Variants in STXBP3 observed in about 807,000 individuals in gnomAD.
STXBP3 encodes syntaxin-binding protein 3.
STXBP3 carries 41 observed loss-of-function variants against 85.7 expected under a neutral mutation model. The ratio of observed to expected loss-of-function variants is 0.48; its 90% confidence interval spans 0.37 to 0.62. STXBP3 has a LOEUF of 0.62. Ranked by LOEUF, STXBP3 falls within the 20% of genes least tolerant of loss-of-function variation. The pLI is 0.00. For missense variants in STXBP3, 563 were observed against 703.1 expected, an observed-to-expected ratio of 0.80 and a Z score of 2.25; for synonymous variants, 229 against 231.7, an observed-to-expected ratio of 0.99 and a Z score of 0.10.
chr1:108,755,341 G>C (rs1661997142), intron 3 of STXBP3, among the ~76,000 whole-genome samples: 1 of 152,106 alleles, frequency 6.6e-6, no homozygotes, highest in African/African-American at 2.4e-5. Context: ...CAGCTACTTG[G>C]AGAACTGAGG....
rs745652259 is a variant in STXBP3, at chr1:108,793,157, A to AT, written c.964-399dup. ...CTCACAGCCCCAAGCTCTTATCTCC[A>AT]TTTTTTTTTTTTTTTTTTTTTTTTT... is the stretch of plus-strand genomic sequence containing the variant. On this transcript the variant is annotated intron_variant, in intron 11 of 18. Transcript: ENST00000370008. Among the ~76,000 whole-genome samples the AT allele has an allele frequency of 6.8e-3, 461 of 67,504 alleles. 46 individuals carry two copies. Among genetic ancestry groups the AT allele is most frequent in the Middle Eastern group, 0.022 (2 of 92 alleles). 44.3% of individuals were successfully genotyped at this position (67,504 alleles called of 152,430 possible).
At chr1:108,756,900 GT>G in intron 4 of STXBP3, 134 bp downstream of exon 4, 2 of 493,002 alleles carry the variant, frequency 4.1e-6, no homozygotes, top group Non-Finnish European at 6.8e-6. Flanking sequence ...GCTTAGGAAA[GT>G]TTTTTTCTGT....
intron 6 of STXBP3, among the ~76,000 whole-genome samples, chr1:108,764,390 A>G (rs1278899740): frequency 6.6e-6 from 1 of 152,030 alleles, no homozygotes; most frequent in Non-Finnish European, 1.5e-5. Context: ...TGATAGACTT[A>G]TATTCTTTTG....
At chr1:108,806,048 A>G (rs1166157494) in intron 17 of STXBP3, among the ~76,000 whole-genome samples, 1 of 152,274 alleles carries the variant, frequency 6.6e-6, no homozygotes, top group Non-Finnish European at 1.5e-5. Flanking sequence ...TTTTACTAAT[A>G]TATACTAGTA....
chr1:108,801,407 T>C (rs1290460144), intron 17 of STXBP3, among the ~76,000 whole-genome samples: 1 of 152,196 alleles, frequency 6.6e-6, no homozygotes, highest in African/African-American at 2.4e-5. Flanking sequence ...TTGTGTGGAC[T>C]TTGAACTATG....
At chr1:108,767,955 C>T (rs1662304286) in intron 6 of STXBP3, among the ~76,000 whole-genome samples, 1 of 152,082 alleles carries the variant, frequency 6.6e-6, no homozygotes, top group South Asian at 2.1e-4. Flanking sequence ...GTTTTTATCT[C>T]ATTAGCTAAA....
intron 11 of STXBP3, among the ~76,000 whole-genome samples, chr1:108,786,721 C>T (rs1662837690): frequency 6.6e-6 from 1 of 152,170 alleles, no homozygotes; most frequent in Non-Finnish European, 1.5e-5. Context: ...TAGTATAAGT[C>T]TTCCAGCTTT....
At chr1:108,790,331 C>A (rs149724450) in intron 11 of STXBP3, among the ~76,000 whole-genome samples, 151 of 152,016 alleles carry the variant, frequency 9.9e-4, no homozygotes, top group African/African-American at 3.4e-3. Context: ...ATAAAATGTC[C>A]CTTTTATTAC....
intron 6 of STXBP3, among the ~76,000 whole-genome samples, chr1:108,770,113 G>C (rs1396172996): frequency 6.6e-6 from 1 of 152,042 alleles, no homozygotes; most frequent in Non-Finnish European, 1.5e-5. Flanking sequence ...AACAAAGTGA[G>C]ACCTTGTCTC....
chr1:108,798,138 G>T lies in STXBP3; in HGVS notation c.1357-7G>T. ...GGTTTTTAATTTTTTTCCTCTAATT[G>T]TATTAGTCTCAACAAGGCAAACCGT... is the stretch of plus-strand genomic sequence containing the variant. On this transcript the variant is annotated splice_polypyrimidine_tract_variant and splice_region_variant and intron_variant, in intron 15 of 18. Transcript: ENST00000370008. 1 of 1,594,390 alleles carries T rather than the reference G, an allele frequency of 6.3e-7. No individual in the cohort carries two copies. Among genetic ancestry groups the T allele is most frequent in the Non-Finnish European group, 8.5e-7 (1 of 1,173,224 alleles).
chr1:108,747,015 C>T (rs915871712), intron 1 of STXBP3, among the ~76,000 whole-genome samples: 21 of 142,138 alleles, frequency 1.5e-4, no homozygotes, highest in African/African-American at 5.2e-4. Context: ...GCGTCGGGCA[C>T]CCCCTCGCCT....
At chr1:108,764,445 G>T (rs1432989143) in intron 6 of STXBP3, among the ~76,000 whole-genome samples, 1 of 152,110 alleles carries the variant, frequency 6.6e-6, no homozygotes, top group Non-Finnish European at 1.5e-5. Flanking sequence ...TGGTAGTTCT[G>T]TTTTTTAGGT....
At chr1:108,761,799 C>T (rs1167599691) in intron 6 of STXBP3, among the ~76,000 whole-genome samples, 1 of 151,930 alleles carries the variant, frequency 6.6e-6, no homozygotes, top group South Asian at 2.1e-4. Context: ...AGTAAAACCC[C>T]GTCTCTACTA....
rs1359788233 is a variant in STXBP3, at chr1:108,808,791, CAT to C, written c.1694_1695del (p.His565ArgfsTer10). 4 of 1,612,286 alleles carry C rather than the reference CAT, an allele frequency of 2.5e-6. No homozygotes were observed. The highest frequency in any genetic ancestry group is 3.4e-6 in the Non-Finnish European group (4 of 1,179,248). On this transcript the variant is annotated frameshift_variant, in exon 19 of 19. Coordinates refer to ENST00000370008, the MANE Select transcript of STXBP3 (RefSeq NM_007269.4). LOFTEE classifies it high-confidence loss of function. ...KSCEVIIGSTHVLTPKKLLDD... is the reference protein window; with the variant it reads ...KSCEVIIGSTXVLTPKKLLDD... ...CTCTTTTCTCCTACCAGGTTCTACA[CAT>C]GTTTTAACACCCAAAAAGCTGTTGG...
chr1:108,800,653 A>G (rs1168738106), intron 17 of STXBP3, among the ~76,000 whole-genome samples: 1 of 152,208 alleles, frequency 6.6e-6, no homozygotes, highest in African/African-American at 2.4e-5. Flanking sequence ...TGCCCAGCTT[A>G]TTAACTAAAT....
At chr1:108,782,309 T>C in intron 9 of STXBP3, 113 bp from the exon 10 acceptor site, 2 of 795,738 alleles carry the variant, frequency 2.5e-6, no homozygotes, top group Non-Finnish European at 4.0e-6. Context: ...AAATAGTGGA[T>C]TTTACTTTTC....
In STXBP3 at chr1:108,772,399, CATATGATATCTATCTGT is replaced by C. The variant is rs1321317850; in HGVS notation, c.439-261_439-245del. On this transcript the variant is annotated intron_variant, in intron 6 of 18. Transcript: ENST00000370008. ...CATATGATATCTGTATATATAAATA[CATATGATATCTATCTGT>C]ATATATAAATACATATGATATCTAT... Among the ~76,000 whole-genome samples the C allele has an allele frequency of 1.0e-3, 49 of 48,192 alleles. 10 individuals are homozygous for C. The highest frequency in any genetic ancestry group is 2.2e-3 in the African/African-American group (24 of 11,102). 31.6% of individuals were successfully genotyped at this position (48,192 alleles called of 152,430 possible). A position where few individuals can be genotyped will look rare whatever the true frequency, so the allele number is the denominator to read the frequency against.
chr1:108,765,504 A>G (rs1325527432), intron 6 of STXBP3, among the ~76,000 whole-genome samples: 6 of 152,198 alleles, frequency 3.9e-5, no homozygotes, highest in Admixed American at 6.5e-5. Flanking sequence ...GGCAAAGACT[A>G]TAACAAAGCT....
intron 8 of STXBP3, among the ~76,000 whole-genome samples, chr1:108,778,815 T>C (rs1350700532): frequency 6.6e-6 from 1 of 152,118 alleles, no homozygotes; most frequent in African/African-American, 2.4e-5. Context: ...CAGAGGAGGG[T>C]TGGTTCCAGG....
Sources: allele counts gnomAD v4.1 joint callset (sites outside exome capture counted in the v4.1 genomes callset), GRCh38; gene constraint gnomAD v4.1.1; transcripts MANE v1.5; gene names NCBI Gene and HGNC (gene_info 2026-07-23, HGNC 2026-07-21).